Variants in ATG7 observed in about 807,000 individuals in gnomAD.
ATG7 encodes the protein ubiquitin-like modifier-activating enzyme ATG7.
Under a neutral mutation model 82.4 loss-of-function variants are expected in ATG7, and 70 were observed. The observed-to-expected ratio is 0.85, with a 90% CI of 0.70 to 1.04. ATG7 has a LOEUF of 1.04. Ranked by LOEUF, ATG7 falls within the 50% of genes least tolerant of loss-of-function variation. The probability of loss-of-function intolerance (pLI) is 0.00; values close to 1 mark genes in which losing one functional copy is unlikely to be tolerated. For missense variants in ATG7, 792 were observed against 864.3 expected (o/e 0.92, Z 1.05); for synonymous variants, 287 against 313.0 (o/e 0.92, Z 0.88).
intron 17 of ATG7, among the ~76,000 whole-genome samples, chr3:11,364,198 T>C (rs2076452894): frequency 6.6e-6 from 1 of 152,196 alleles, no homozygotes; most frequent in Non-Finnish European, 1.5e-5. Flanking sequence ...TCATTAGCAT[T>C]TATATCAGCT....
intron 20 of ATG7, among the ~76,000 whole-genome samples, chr3:11,468,511 C>T (rs974293332): frequency 2.6e-5 from 4 of 152,212 alleles, no homozygotes; most frequent in African/African-American, 9.6e-5. Context: ...CACTGGGCCA[C>T]TGAGGACAAG....
At chr3:11,316,602 G>A (rs1949448407) in intron 9 of ATG7, among the ~76,000 whole-genome samples, 1 of 152,108 alleles carries the variant, frequency 6.6e-6, no homozygotes, top group Non-Finnish European at 1.5e-5. Flanking sequence ...TTCTTTTTGT[G>A]CCATATTAGA....
chr3:11,444,529 T>C (rs1056727127), intron 20 of ATG7, among the ~76,000 whole-genome samples: 86 of 152,162 alleles, frequency 5.7e-4, no homozygotes, highest in African/African-American at 2.0e-3. Context: ...AAGTTATTTA[T>C]CTCATACTAG....
intron 20 of ATG7, among the ~76,000 whole-genome samples, chr3:11,498,136 C>T (rs2091001656): frequency 6.6e-6 from 1 of 152,094 alleles, no homozygotes; most frequent in Admixed American, 6.6e-5. Flanking sequence ...CCATGAAATC[C>T]CTGCATATAT....
chr3:11,567,990 C>G, the ATG7 span, among the ~76,000 whole-genome samples: 1 of 152,210 alleles, frequency 6.6e-6, no homozygotes, highest in Non-Finnish European at 1.5e-5. Flanking sequence ...TCTGTTTACT[C>G]AACCAGCGCT....
intron 20 of ATG7, among the ~76,000 whole-genome samples, chr3:11,479,041 A>T (rs866878576): frequency 5.2e-5 from 4 of 76,576 alleles, no homozygotes; most frequent in African/African-American, 1.5e-4. Context: ...CACACACACA[A>T]TTTTTTACTT....
At chr3:11,375,676 C>T (rs906573911) in intron 18 of ATG7, among the ~76,000 whole-genome samples, 1 of 152,224 alleles carries the variant, frequency 6.6e-6, no homozygotes, top group Non-Finnish European at 1.5e-5. Context: ...TCTTCTGCCT[C>T]AGCCTCCCGA....
chr3:11,447,283 G>T (rs1318384841), intron 20 of ATG7, among the ~76,000 whole-genome samples: 1 of 152,062 alleles, frequency 6.6e-6, no homozygotes, highest in African/African-American at 2.4e-5. Flanking sequence ...GGCCAACATG[G>T]TGAAACCCCA....
At chr3:11,378,139 G>C (rs1254828240) in intron 18 of ATG7, among the ~76,000 whole-genome samples, 2 of 141,800 alleles carry the variant, frequency 1.4e-5, no homozygotes, top group African/African-American at 5.3e-5. Flanking sequence ...TCAGCCTCCC[G>C]AGGAGCTGGG....
the ATG7 span, among the ~76,000 whole-genome samples, chr3:11,574,779 C>CTGTG: frequency 2.5e-5 from 3 of 121,792 alleles, no homozygotes; most frequent in African/African-American, 9.3e-5. Flanking sequence ...GTCAATTCAA[C>CTGTG]TATATATGTG....
chr3:11,489,452 T>C (rs2090127214), intron 20 of ATG7, among the ~76,000 whole-genome samples: 1 of 149,796 alleles, frequency 6.7e-6, no homozygotes, highest in Non-Finnish European at 1.5e-5. Flanking sequence ...CATTAATTTT[T>C]TGAAGGGTTT....
intron 20 of ATG7, among the ~76,000 whole-genome samples, chr3:11,433,814 A>G (rs2083129617): frequency 6.6e-6 from 1 of 152,238 alleles, no homozygotes. Flanking sequence ...TGCTAAATAG[A>G]ACTTCCTTTC....
chr3:11,280,415 T>A (rs1157322262), intron 1 of ATG7, among the ~76,000 whole-genome samples: 1 of 152,220 alleles, frequency 6.6e-6, no homozygotes, highest in East Asian at 1.9e-4. Flanking sequence ...AGAAGTTGAA[T>A]GACTTGTCCA....
chr3:11,409,604 A>G (rs2080700636), intron 19 of ATG7, among the ~76,000 whole-genome samples: 1 of 152,188 alleles, frequency 6.6e-6, no homozygotes, highest in African/African-American at 2.4e-5. Flanking sequence ...TCTTTCATAG[A>G]TCATGCCTTT....
chr3:11,563,736 C>T, the ATG7 span, among the ~76,000 whole-genome samples: 2 of 152,208 alleles, frequency 1.3e-5, no homozygotes, highest in African/African-American at 2.4e-5. Context: ...TCTGGTACCC[C>T]CTGGCACACA....
chr3:11,394,476 G>T (rs566266564), intron 19 of ATG7, among the ~76,000 whole-genome samples: 1 of 152,300 alleles, frequency 6.6e-6, no homozygotes, highest in South Asian at 2.1e-4. Context: ...TAGTATTAGG[G>T]CAATTTTTTG....
At chr3:11,298,061 C>T (rs1003416392) in intron 3 of ATG7, among the ~76,000 whole-genome samples, 6 of 152,094 alleles carry the variant, frequency 3.9e-5, no homozygotes, top group Admixed American at 3.9e-4. Context: ...CGCCTGTAGT[C>T]CCAGCTACTT....
At chr3:11,492,613 G>T (rs1272562795) in intron 20 of ATG7, among the ~76,000 whole-genome samples, 1 of 152,180 alleles carries the variant, frequency 6.6e-6, no homozygotes, top group Non-Finnish European at 1.5e-5. Context: ...TCAGGAACCA[G>T]CTGCTGCTTC....
chr3:11,296,959 C>G (rs1014624677), intron 3 of ATG7, among the ~76,000 whole-genome samples: 21 of 152,214 alleles, frequency 1.4e-4, no homozygotes, highest in African/African-American at 5.1e-4. Flanking sequence ...CTCCTTATCT[C>G]TAATTCTAAA....
Sources: allele counts gnomAD v4.1 joint callset (sites outside exome capture counted in the v4.1 genomes callset), GRCh38; gene constraint gnomAD v4.1.1; transcripts MANE v1.5; gene names NCBI Gene and HGNC (gene_info 2026-07-23, HGNC 2026-07-21).